Variants in RAD51B observed in about 807,000 individuals in gnomAD.
RAD51B encodes the protein DNA repair protein RAD51 homolog 2.
Under a neutral mutation model 42.2 loss-of-function variants are expected in RAD51B, and 38 were observed. The ratio of observed to expected loss-of-function variants is 0.90; its 90% confidence interval spans 0.70 to 1.18. The LOEUF (loss-of-function observed/expected upper bound fraction) is 1.18, where lower values mean the gene tolerates loss of function less well. RAD51B is among the 50% of genes most tolerant of loss of function. RAD51B has a pLI of 0.00. For missense variants in RAD51B, 373 were observed against 400.7 expected, an observed-to-expected ratio of 0.93 and a Z score of 0.59; for synonymous variants, 154 against 145.2, an observed-to-expected ratio of 1.06 and a Z score of -0.43.
Position 68,349,996 on chromosome 14 carries a change from G to T in RAD51B, c.853+58016G>T, listed in dbSNP as rs143462277. Among the ~76,000 whole-genome samples, 27 of 152,312 alleles carry T rather than the reference G, an allele frequency of 1.8e-4. No individual in the cohort carries two copies. The East Asian group carries it at 4.6e-3, about 26-fold the overall frequency. On this transcript the variant is annotated intron_variant, in intron 8 of 10. Transcript: ENST00000471583. ...AAAAGCATACACGCTATCGCACTGG[G>T]AGGAAATCGGTGTCTTTGAAATCAA... is the stretch of plus-strand genomic sequence containing the variant.
intron 8 of RAD51B, among the ~76,000 whole-genome samples, chr14:68,383,655 A>AC (rs1470475776): frequency 6.6e-6 from 1 of 152,122 alleles, no homozygotes; most frequent in East Asian, 1.9e-4. Flanking sequence ...AAAAAAAAAA[A>AC]ACACAATGAA....
At chr14:67,892,466 G>T (rs2043249193) in intron 7 of RAD51B, among the ~76,000 whole-genome samples, 1 of 152,128 alleles carries the variant, frequency 6.6e-6, no homozygotes, top group Admixed American at 6.6e-5. Context: ...GCCCAGAAAT[G>T]GATTCATAGG....
chr14:68,604,881 C>T (rs982481000), intron 10 of RAD51B, among the ~76,000 whole-genome samples: 4 of 152,096 alleles, frequency 2.6e-5, no homozygotes, highest in African/African-American at 4.8e-5. Flanking sequence ...GTCTTTTCTT[C>T]GGAGAGTGAC....
intron 7 of RAD51B, among the ~76,000 whole-genome samples, chr14:67,967,508 C>T (rs2074805268): frequency 6.6e-6 from 1 of 152,220 alleles, no homozygotes; most frequent in Admixed American, 6.5e-5. Context: ...AATAAGGGTA[C>T]AGGCATTGGG....
At chr14:67,864,706 G>C in intron 4 of RAD51B, 1 of 492,640 alleles carries the variant, frequency 2.0e-6, no homozygotes. Flanking sequence ...GAATGTTTCA[G>C]CCTTTCTCAA....
chr14:68,419,948 C>T (rs1041820545), intron 9 of RAD51B, among the ~76,000 whole-genome samples: 3 of 152,108 alleles, frequency 2.0e-5, no homozygotes, highest in Non-Finnish European at 4.4e-5. Context: ...ATTTAAATTC[C>T]TCTTTATTTT....
intron 7 of RAD51B, among the ~76,000 whole-genome samples, chr14:68,105,161 C>T (rs1305868259): frequency 2.7e-5 from 4 of 148,824 alleles, no homozygotes; most frequent in African/African-American, 7.4e-5. Flanking sequence ...CAGGTCTATT[C>T]GGAGATAGCA....
Position 67,934,858 on chromosome 14 carries a change from AC to A in RAD51B, c.756+47656del, listed in dbSNP as rs1230252412. Among the ~76,000 whole-genome samples, 4 of 152,130 alleles carry A rather than the reference AC, an allele frequency of 2.6e-5. No individual in the cohort carries two copies. The East Asian group carries it at 7.7e-4, about 29-fold the overall frequency. ...AACGAATGGTAGGATCAGATGAGAA[AC>A]CTCAGCAAGGTGTCTCCTGGTTATA... On this transcript the variant is annotated intron_variant, in intron 7 of 10. Transcript: ENST00000471583.
intron 10 of RAD51B, among the ~76,000 whole-genome samples, chr14:68,643,909 G>T (rs1011787058): frequency 6.6e-6 from 1 of 152,160 alleles, no homozygotes; most frequent in Admixed American, 6.5e-5. Flanking sequence ...ATGGGAGAAG[G>T]CACTGGAACT....
At chr14:68,253,720 G>A (rs1217558369) in intron 7 of RAD51B, among the ~76,000 whole-genome samples, 1 of 152,128 alleles carries the variant, frequency 6.6e-6, no homozygotes, top group Non-Finnish European at 1.5e-5. Flanking sequence ...ATGCTTTACA[G>A]TAACCCCCCT....
At chr14:67,905,594 G>T (rs1470330735) in intron 7 of RAD51B, among the ~76,000 whole-genome samples, 1 of 152,042 alleles carries the variant, frequency 6.6e-6, no homozygotes, top group Non-Finnish European at 1.5e-5. Flanking sequence ...TCTTTCAGCA[G>T]TGTTTTGTAA....
At chr14:68,649,696 T>G (rs1039206926) in intron 10 of RAD51B, among the ~76,000 whole-genome samples, 1 of 152,184 alleles carries the variant, frequency 6.6e-6, no homozygotes, top group Non-Finnish European at 1.5e-5. Context: ...CAGTCATGTG[T>G]GAAGAGGGGA....
intron 9 of RAD51B, among the ~76,000 whole-genome samples, chr14:68,453,960 A>C (rs2085620876): frequency 6.6e-6 from 1 of 152,250 alleles, no homozygotes; most frequent in African/African-American, 2.4e-5. Context: ...AAGTATAATT[A>C]ATTTCCTCAG....
chr14:67,859,796 A>G (rs2042106548), intron 4 of RAD51B, among the ~76,000 whole-genome samples: 1 of 152,166 alleles, frequency 6.6e-6, no homozygotes. Context: ...GAAATAAAAC[A>G]TAGGAAACAA....
intron 7 of RAD51B, among the ~76,000 whole-genome samples, chr14:67,889,550 T>A (rs2043157854): frequency 6.7e-6 from 1 of 148,404 alleles, no homozygotes. Flanking sequence ...AATAAAAATA[T>A]ATAAATATAT....
At chr14:68,216,507 AGT>A (rs2079818497) in intron 7 of RAD51B, among the ~76,000 whole-genome samples, 2 of 152,326 alleles carry the variant, frequency 1.3e-5, no homozygotes, top group African/African-American at 4.8e-5. Flanking sequence ...GTTGGAAAAG[AGT>A]GTAGCAAATC....
At chr14:68,127,790 T>C (rs1179587944) in intron 7 of RAD51B, among the ~76,000 whole-genome samples, 1 of 152,212 alleles carries the variant, frequency 6.6e-6, no homozygotes, top group Admixed American at 6.5e-5. Flanking sequence ...GAGATGGTAT[T>C]CTGTCATTTC....
At chr14:68,394,910 C>G (rs956282724) in intron 8 of RAD51B, among the ~76,000 whole-genome samples, 26 of 152,214 alleles carry the variant, frequency 1.7e-4, no homozygotes, top group Non-Finnish European at 3.7e-4. Context: ...CCCTCACCCC[C>G]GCCTGCTCTT....
chr14:68,402,055 A>T (rs2084121440), intron 8 of RAD51B, among the ~76,000 whole-genome samples: 1 of 152,184 alleles, frequency 6.6e-6, no homozygotes, highest in Admixed American at 6.5e-5. Flanking sequence ...AATGCACCCT[A>T]AATACAGCTG....
Sources: allele counts gnomAD v4.1 joint callset (sites outside exome capture counted in the v4.1 genomes callset), GRCh38; gene constraint gnomAD v4.1.1; transcripts MANE v1.5; gene names NCBI Gene and HGNC (gene_info 2026-07-23, HGNC 2026-07-21).